Variants in ARHGAP22 observed in about 807,000 individuals in gnomAD.
ARHGAP22 encodes the protein Rho GTPase activating protein 22, also known as rho GTPase-activating protein 22.
ARHGAP22 carries 48 observed loss-of-function variants against 59.1 expected under a neutral mutation model. The ratio of observed to expected loss-of-function variants is 0.81; its 90% CI spans 0.64 to 1.03. The LOEUF (loss-of-function observed/expected upper bound fraction) is 1.03, where lower values mean the gene tolerates loss of function less well. ARHGAP22 is among the 50% of genes least tolerant of loss of function. The probability of loss-of-function intolerance (pLI) is 0.00; values close to 1 mark genes in which losing one functional copy is unlikely to be tolerated. For synonymous variants in ARHGAP22, 445 were observed against 416.4 expected, an observed-to-expected ratio of 1.07 and a Z score of -0.84; for missense variants, 1,015 against 958.7, an observed-to-expected ratio of 1.06 and a Z score of -0.78.
At chr10:48,470,403 G>C (rs2048122981) in intron 4 of ARHGAP22, among the ~76,000 whole-genome samples, 1 of 152,216 alleles carries the variant, frequency 6.6e-6, no homozygotes, top group Admixed American at 6.5e-5. Context: ...ATCAGCAGGG[G>C]TGGGGGAGGG....
intron 9 of ARHGAP22, among the ~76,000 whole-genome samples, chr10:48,448,724 C>CCCT (rs1437138718): frequency 6.6e-6 from 1 of 152,102 alleles, no homozygotes; most frequent in Non-Finnish European, 1.5e-5. Context: ...TCACTCTAGA[C>CCCT]CCTCCCTCTA....
At chr10:48,621,765 A>G (rs2061294354) in intron 1 of ARHGAP22, among the ~76,000 whole-genome samples, 2 of 152,190 alleles carry the variant, frequency 1.3e-5, no homozygotes, top group Admixed American at 1.3e-4. Flanking sequence ...TCCAGTTATT[A>G]TTGTTGCACC....
At chr10:48,443,387 T>C (rs1312230555), downstream of ARHGAP22, among the ~76,000 whole-genome samples, 7 of 152,268 alleles carry the variant, frequency 4.6e-5, no homozygotes, top group East Asian at 1.2e-3. Context: ...CTGCTAGGCT[T>C]TTCATGACCC....
chr10:48,652,421 A>G (rs2062604681), exon 1 of ARHGAP22: 1 of 734,528 alleles, frequency 1.4e-6, no homozygotes, highest in Non-Finnish European at 2.3e-6. Flanking sequence ...TATATTTAGA[A>G]TGCCCTTTAT....
chr10:48,430,930 C>T, the ARHGAP22 span: 1 of 472,228 alleles, frequency 2.1e-6, no homozygotes, highest in East Asian at 4.3e-5. Context: ...AAAGCTTCTA[C>T]CCCAGCACTA....
chr10:48,576,364 CA>C (rs1277492733), intron 2 of ARHGAP22, among the ~76,000 whole-genome samples: 1 of 152,218 alleles, frequency 6.6e-6, no homozygotes, highest in Non-Finnish European at 1.5e-5. Flanking sequence ...GAACCTCTAG[CA>C]CTGTGGCCCT....
chr10:48,583,201 A>C, intron 1 of ARHGAP22, 49 bp from the exon 2 acceptor site: 1 of 1,581,698 alleles, frequency 6.3e-7, no homozygotes, highest in Non-Finnish European at 8.6e-7. Context: ...CGTGCCTGCT[A>C]TCAGTCCTGC....
chr10:48,450,024 C>A (rs1458196959), intron 9 of ARHGAP22, among the ~76,000 whole-genome samples: 1 of 152,374 alleles, frequency 6.6e-6, no homozygotes, highest in South Asian at 2.1e-4. Flanking sequence ...TTCCCACTTG[C>A]GTGGAGTCAG....
At chr10:48,577,801 GTTTTTTTTTTTTT>G (rs34557935) in intron 2 of ARHGAP22, among the ~76,000 whole-genome samples, 9 of 59,162 alleles carry the variant, frequency 1.5e-4, no homozygotes, top group East Asian at 8.0e-4. Flanking sequence ...CTCTTTTTTG[GTTTTTTTTTTTTT>G]TTTTTTTTTT....
chr10:48,580,947 A>AAC (rs1261128214), intron 2 of ARHGAP22, among the ~76,000 whole-genome samples: 1 of 147,840 alleles, frequency 6.8e-6, no homozygotes, highest in East Asian at 1.9e-4. Flanking sequence ...AAAAAAAAAA[A>AAC]AATGGACTCC....
downstream of ARHGAP22, among the ~76,000 whole-genome samples, chr10:48,442,587 G>A (rs568697848): frequency 4.1e-5 from 6 of 147,040 alleles, no homozygotes; most frequent in Admixed American, 1.3e-4. Flanking sequence ...ATGAACCCAC[G>A]TGCTGACCCC....
At chr10:48,596,066 C>G (rs2060049332) in intron 1 of ARHGAP22, among the ~76,000 whole-genome samples, 1 of 152,074 alleles carries the variant, frequency 6.6e-6, no homozygotes, top group Admixed American at 6.5e-5. Flanking sequence ...ATTTAACAAT[C>G]AATATAAAAG....
intron 1 of ARHGAP22, among the ~76,000 whole-genome samples, chr10:48,588,389 G>C (rs2059555817): frequency 6.6e-6 from 1 of 152,212 alleles, no homozygotes; most frequent in African/African-American, 2.4e-5. Flanking sequence ...CACATATTAG[G>C]CTGATGGAGC....
At chr10:48,646,019 A>G (rs2062280174) in intron 1 of ARHGAP22, among the ~76,000 whole-genome samples, 1 of 152,258 alleles carries the variant, frequency 6.6e-6, no homozygotes, top group African/African-American at 2.4e-5. Flanking sequence ...TACAAGATGG[A>G]CATAGCAAAA....
chr10:48,494,226 A>G (rs912156106), intron 3 of ARHGAP22, among the ~76,000 whole-genome samples: 1 of 152,210 alleles, frequency 6.6e-6, no homozygotes, highest in Non-Finnish European at 1.5e-5. Flanking sequence ...CAGGGTCACC[A>G]CGCTGGGAAA....
chr10:48,539,833 T>C (rs1052105898), intron 3 of ARHGAP22, among the ~76,000 whole-genome samples: 1 of 152,252 alleles, frequency 6.6e-6, no homozygotes, highest in African/African-American at 2.4e-5. Context: ...TAATTAGCTA[T>C]TGTTAAATAG....
intron 1 of ARHGAP22, among the ~76,000 whole-genome samples, chr10:48,614,072 C>T (rs1445926034): frequency 6.6e-6 from 1 of 152,158 alleles, no homozygotes; most frequent in Non-Finnish European, 1.5e-5. Context: ...GAACTATAAG[C>T]CAAATACATT....
Position 48,519,206 on chromosome 10 carries a change from T to C in ARHGAP22, c.322+36257A>G, listed in dbSNP as rs550823965. Among the ~76,000 whole-genome samples the C allele has an allele frequency of 3.9e-5, 6 of 152,240 alleles. No individual in the cohort carries two copies. In the East Asian group the frequency reaches 1.2e-3, roughly 30 times the overall value. ...AGAACCGGTCCTATCACCCAGTCAG[T>C]AACAGCCATGCCTCCTGACCTCTCC... On this transcript the variant is annotated intron_variant, in intron 3 of 9. Transcript: ENST00000249601.
chr10:48,490,573 G>A (rs1326707703), intron 3 of ARHGAP22, among the ~76,000 whole-genome samples: 2 of 152,192 alleles, frequency 1.3e-5, no homozygotes, highest in Non-Finnish European at 2.9e-5. Flanking sequence ...AATGTGGCAT[G>A]TCCAAGAATT....
Sources: gnomAD v4.1 joint callset for allele counts (sites outside exome capture counted in the v4.1 genomes callset) on GRCh38, gnomAD v4.1.1 for gene constraint, MANE v1.5 for transcripts, NCBI Gene and HGNC (gene_info 2026-07-23, HGNC 2026-07-21) for gene names.